The following TBC1D5 variants were observed in gnomAD, a reference collection of about 807,000 sequenced individuals.
TBC1D5 encodes the protein TBC1 domain family, member 5.
A neutral mutation model predicts 100.3 loss-of-function variants in TBC1D5; 75 were observed. The observed-to-expected ratio is 0.75, with a 90% CI of 0.62 to 0.91. The LOEUF is 0.91. TBC1D5 is among the 40% of genes least tolerant of loss of function. The pLI is 0.00. For synonymous variants in TBC1D5, 323 were observed against 325.6 expected (o/e 0.99, Z 0.09); for missense variants, 910 against 942.4 (o/e 0.97, Z 0.45).
At chr3:17,552,777 G>A (rs955706168) in intron 2 of TBC1D5, among the ~76,000 whole-genome samples, 1 of 152,074 alleles carries the variant, frequency 6.6e-6, no homozygotes, top group Non-Finnish European at 1.5e-5. Flanking sequence ...ACAGAGTTGA[G>A]TGACAAAAAA....
At chr3:17,440,182 T>A (rs2094621580) in intron 3 of TBC1D5, among the ~76,000 whole-genome samples, 1 of 152,126 alleles carries the variant, frequency 6.6e-6, no homozygotes, top group Non-Finnish European at 1.5e-5. Context: ...TATACAAGAT[T>A]ACTATAATAA....
chr3:17,738,382 TACACACAC>T (rs532604198), intron 1 of TBC1D5, among the ~76,000 whole-genome samples: 4 of 150,606 alleles, frequency 2.7e-5, no homozygotes, highest in African/African-American at 7.3e-5. Flanking sequence ...CACTCACACA[TACACACAC>T]ACACACACAC....
intron 5 of TBC1D5, 97 bp downstream of exon 5, chr3:17,406,321 A>G: frequency 9.4e-7 from 1 of 1,067,942 alleles, no homozygotes; most frequent in East Asian, 2.5e-5. Flanking sequence ...GTCTCTTGGA[A>G]AATTCAGTGA....
chr3:17,716,448 G>A (rs201982711), intron 1 of TBC1D5, among the ~76,000 whole-genome samples: 4 of 149,618 alleles, frequency 2.7e-5, no homozygotes, highest in Non-Finnish European at 4.4e-5. Flanking sequence ...TGTTCAGAGG[G>A]AAAAAAAAAA....
chr3:17,464,031 A>C (rs1337001137), intron 3 of TBC1D5, among the ~76,000 whole-genome samples: 3 of 142,160 alleles, frequency 2.1e-5, no homozygotes, highest in Non-Finnish European at 4.5e-5. Context: ...GGCTCTACAC[A>C]ACCTCCACCT....
rs1232994372 is a variant in TBC1D5, at chr3:17,464,241, T to G, written c.98-35722A>C. 2.0e-5 allele frequency among the ~76,000 whole-genome samples: 3 copies of G among 152,308 alleles called. No individual in the cohort carries two copies. In the East Asian group the frequency reaches 5.8e-4, roughly 29 times the overall value. ...TCCCAAAGTGCTGGGATTACAGGCA[T>G]GAGCCACTGCGCCTGTCCATTCCTT... On this transcript the variant is annotated intron_variant, in intron 3 of 21. Transcript: ENST00000253692.
intron 1 of TBC1D5, among the ~76,000 whole-genome samples, chr3:17,726,927 T>A (rs983604589): frequency 6.6e-6 from 1 of 152,212 alleles, no homozygotes; most frequent in African/African-American, 2.4e-5. Flanking sequence ...ATTCCACCAA[T>A]ACTGTCTAGA....
intron 1 of TBC1D5, among the ~76,000 whole-genome samples, chr3:17,681,693 A>G (rs1451333014): frequency 6.6e-6 from 1 of 151,602 alleles, no homozygotes; most frequent in Non-Finnish European, 1.5e-5. Context: ...ACAGGATTAG[A>G]TTTCACGAAA....
intron 2 of TBC1D5, among the ~76,000 whole-genome samples, chr3:17,536,850 T>C (rs1479075171): frequency 6.6e-6 from 1 of 152,194 alleles, no homozygotes; most frequent in Non-Finnish European, 1.5e-5. Context: ...TCTGAAGACT[T>C]GAAGTCATAG....
intron 1 of TBC1D5, among the ~76,000 whole-genome samples, chr3:17,733,279 C>G (rs1003330934): frequency 6.6e-6 from 1 of 152,156 alleles, no homozygotes; most frequent in Non-Finnish European, 1.5e-5. Flanking sequence ...CTGACAATTA[C>G]AAAATGTGGC....
chr3:17,519,491 T>G (rs1001980613), intron 2 of TBC1D5, among the ~76,000 whole-genome samples: 2 of 152,200 alleles, frequency 1.3e-5, no homozygotes, highest in African/African-American at 4.8e-5. Context: ...TTCTCCTAAT[T>G]TGATTCAGAT....
At chr3:17,583,748 C>T (rs745726128) in intron 2 of TBC1D5, among the ~76,000 whole-genome samples, 3 of 152,010 alleles carry the variant, frequency 2.0e-5, no homozygotes, top group Non-Finnish European at 4.4e-5. Flanking sequence ...CCCTCATACA[C>T]TGCTGACAGG....
intron 13 of TBC1D5, among the ~76,000 whole-genome samples, chr3:17,362,923 T>TGA (rs2091843376): frequency 6.6e-6 from 1 of 152,174 alleles, no homozygotes. Context: ...TACCATGATA[T>TGA]GTTCCATTAC....
intron 4 of TBC1D5, among the ~76,000 whole-genome samples, chr3:17,408,140 C>T (rs940652997): frequency 3.3e-5 from 5 of 152,022 alleles, no homozygotes; most frequent in Middle Eastern, 3.2e-3. Flanking sequence ...GATGTGCAAG[C>T]ATGGGCAAAT....
At chr3:17,463,616 CAA>C (rs1377215535) in intron 3 of TBC1D5, among the ~76,000 whole-genome samples, 4 of 152,022 alleles carry the variant, frequency 2.6e-5, no homozygotes, top group Admixed American at 2.0e-4. Flanking sequence ...TGAATGATTC[CAA>C]AAGATTCATG....
At chr3:17,552,923 C>T (rs539671818) in intron 2 of TBC1D5, among the ~76,000 whole-genome samples, 5 of 152,186 alleles carry the variant, frequency 3.3e-5, no homozygotes, top group African/African-American at 9.6e-5. Flanking sequence ...TATATCCTAA[C>T]GCATAACATG....
intron 1 of TBC1D5, among the ~76,000 whole-genome samples, chr3:17,643,263 C>A (rs2064701584): frequency 6.6e-6 from 1 of 152,032 alleles, no homozygotes; most frequent in African/African-American, 2.4e-5. Flanking sequence ...GCAAGAATAT[C>A]ATATAAGTGA....
chr3:17,592,793 T>A (rs1302372775), intron 2 of TBC1D5, among the ~76,000 whole-genome samples: 1 of 152,172 alleles, frequency 6.6e-6, no homozygotes, highest in Non-Finnish European at 1.5e-5. Flanking sequence ...TGAATCACAG[T>A]GGAGCCCTCT....
intron 18 of TBC1D5, among the ~76,000 whole-genome samples, chr3:17,188,553 T>G (rs1184463387): frequency 6.6e-6 from 1 of 152,216 alleles, no homozygotes; most frequent in Non-Finnish European, 1.5e-5. Context: ...TGTATTATCC[T>G]TCTAGAGTTT....
Sources: gnomAD v4.1 joint callset for allele counts (sites outside exome capture counted in the v4.1 genomes callset) on GRCh38, gnomAD v4.1.1 for gene constraint, MANE v1.5 for transcripts, NCBI Gene and HGNC (gene_info 2026-07-23, HGNC 2026-07-21) for gene names.